Variants in RIC1 observed in about 807,000 individuals in gnomAD.
RIC1 encodes guanine nucleotide exchange factor subunit RIC1.
Under a neutral mutation model 169.0 loss-of-function variants are expected in RIC1, and 88 were observed. That is an observed-to-expected ratio of 0.52 (90% CI 0.44 to 0.62). RIC1 has a LOEUF of 0.62. RIC1 is among the 20% of genes least tolerant of loss of function. The pLI is 0.00. For missense variants in RIC1, 1,877 were observed against 1,725.5 expected, an observed-to-expected ratio of 1.09 and a Z score of -1.56; for synonymous variants, 790 against 601.5, an observed-to-expected ratio of 1.31 and a Z score of -4.59.
Position 5,765,400 on chromosome 9 carries a change from G to A in RIC1, c.2842-14G>A, listed in dbSNP as rs759094295. The A allele has an allele frequency of 4.4e-6, 7 of 1,607,458 alleles. No individual in the cohort carries two copies. The highest frequency in any genetic ancestry group is 1.7e-5 in the Admixed American group (1 of 58,532). On this transcript the variant is annotated splice_polypyrimidine_tract_variant and intron_variant, in intron 19 of 25. Coordinates refer to ENST00000414202, the MANE Select transcript of RIC1 (RefSeq NM_020829.4). ...GTAGTATAAAAAGAATGCTGTCCTGGTTGTTTTTTGTAGAATATGGAAGTC... is the reference window on the plus strand; with the variant it reads ...GTAGTATAAAAAGAATGCTGTCCTGATTGTTTTTTGTAGAATATGGAAGTC...
At chr9:5,689,928 T>C in intron 2 of RIC1, 31 bp from the exon 3 acceptor site, 1 of 1,423,804 alleles carries the variant, frequency 7.0e-7, no homozygotes, top group Non-Finnish European at 9.8e-7. Context: ...CCTTACTCTT[T>C]AATTCATGAT....
intron 3 of RIC1, among the ~76,000 whole-genome samples, chr9:5,693,446 G>A (rs1821702605): frequency 6.6e-6 from 1 of 152,062 alleles, no homozygotes; most frequent in Admixed American, 6.5e-5. Context: ...TAACAATGGT[G>A]GCAGTCTTAT....
At chr9:5,727,400 G>C (rs1023026891) in intron 6 of RIC1, among the ~76,000 whole-genome samples, 1 of 152,082 alleles carries the variant, frequency 6.6e-6, no homozygotes, top group Non-Finnish European at 1.5e-5. Context: ...CGTCATTTTA[G>C]GTCCTTGCTA....
rs1820269062 is a variant in RIC1 at position 5,673,757 on chromosome 9, G to GA, written c.253-16201dup. 2.6e-5 allele frequency among the ~76,000 whole-genome samples: 4 copies of GA among 151,726 alleles called. No individual in the cohort carries two copies. The South Asian group carries it at 8.3e-4, about 31-fold the overall frequency. ...AATTGCATGGTAATGTGTAAATTAA[G>GA]ATTCCAATTTTGTGTGAAAATGATA... On this transcript the variant is annotated intron_variant, in intron 2 of 25. Transcript: ENST00000414202.
At chr9:5,752,801 C>T (rs1195743444) in intron 12 of RIC1, among the ~76,000 whole-genome samples, 1 of 152,072 alleles carries the variant, frequency 6.6e-6, no homozygotes, top group Non-Finnish European at 1.5e-5. Flanking sequence ...AAAACCAGAA[C>T]TTTTTCTGAG....
Position 5,720,295 on chromosome 9 carries a change from C to T in RIC1, c.554C>T (p.Pro185Leu). The change falls in exon 5 of 26, where the codon CCC becomes CTC. Residue 185 changes from proline (P) to leucine (L), a missense_variant. Transcript: ENST00000414202. The part of the protein sequence containing the change: ...GRKAINLCTV[P>L]FSVDLQSSRV... Reference sequence around the variant, plus strand: ...AAAGCCATTAATCTTTGCACAGTACCCTTTTCAGTAGACCTGCAGTCATCT... The same window carrying T: ...AAAGCCATTAATCTTTGCACAGTACTCTTTTCAGTAGACCTGCAGTCATCT... 1 of 1,613,392 alleles carries T rather than the reference C, an allele frequency of 6.2e-7. No individual in the cohort carries two copies. Among genetic ancestry groups the T allele is most frequent in the Non-Finnish European group, 8.5e-7 (1 of 1,179,638 alleles).
chr9:5,674,659 A>G (rs1820335068), intron 2 of RIC1, among the ~76,000 whole-genome samples: 3 of 152,210 alleles, frequency 2.0e-5, no homozygotes, highest in South Asian at 4.1e-4. Context: ...TATCTTATGT[A>G]AAGTGCCTGT....
intron 12 of RIC1, among the ~76,000 whole-genome samples, chr9:5,749,932 C>G (rs1054294667): frequency 6.6e-6 from 1 of 151,720 alleles, no homozygotes; most frequent in Middle Eastern, 3.2e-3. Flanking sequence ...GCACCTGCCA[C>G]CATGCCCGGC....
At chr9:5,650,536 T>C (rs979193596) in intron 1 of RIC1, among the ~76,000 whole-genome samples, 15 of 151,970 alleles carry the variant, frequency 9.9e-5, no homozygotes, top group African/African-American at 3.6e-4. Flanking sequence ...TCGGTGTCAG[T>C]AGCCTCACAC....
At chr9:5,773,907 C>A in intron 25 of RIC1, 51 bp from the exon 26 acceptor site, 1 of 1,485,664 alleles carries the variant, frequency 6.7e-7, no homozygotes, top group Non-Finnish European at 9.1e-7. Flanking sequence ...AATGTTCTAC[C>A]AAACCTTTTG....
intron 2 of RIC1, among the ~76,000 whole-genome samples, chr9:5,686,562 G>T (rs902546061): frequency 5.4e-5 from 8 of 147,872 alleles, no homozygotes; most frequent in Admixed American, 4.1e-4. Context: ...TCACTCATAG[G>T]TGGGAATTGA....
chr9:5,629,482 C>T (rs1431915354), intron 1 of RIC1, 29 bp downstream of exon 1: 1 of 1,518,296 alleles, frequency 6.6e-7, no homozygotes, highest in Admixed American at 2.0e-5. Context: ...CGCCTTTCGC[C>T]GCTGCCTCCC....
At chr9:5,727,320 C>T (rs973940385) in intron 6 of RIC1, among the ~76,000 whole-genome samples, 6 of 149,420 alleles carry the variant, frequency 4.0e-5, no homozygotes, top group Admixed American at 6.7e-5. Flanking sequence ...TTCAATCATT[C>T]GATCAAATCG....
chr9:5,761,717 C>G (rs1015123700), intron 17 of RIC1, among the ~76,000 whole-genome samples: 2 of 152,062 alleles, frequency 1.3e-5, no homozygotes, highest in African/African-American at 4.8e-5. Context: ...CAAAATGTTC[C>G]TTCCTCTTTA....
Position 5,629,467 on chromosome 9 carries a change from C to CCCG in RIC1, c.144+20_144+22dup, listed in dbSNP as rs1476738368. On this transcript the variant is annotated intron_variant, in intron 1 of 25. Transcript: ENST00000414202. ...TGGTACAGCCGAGTAAGTAGAGCCG[C>CCCG]CCGCCGCCTTTCGCCGCTGCCTCCC... 1 of 1,526,130 alleles carries CCCG rather than the reference C, an allele frequency of 6.6e-7. No individual in the cohort carries two copies. The highest frequency in any genetic ancestry group is 8.8e-7 in the Non-Finnish European group (1 of 1,142,402). 94.5% of individuals were successfully genotyped at this position (1,526,130 alleles called of 1,614,324 possible).
chr9:5,691,862 T>C (rs1821608225), intron 3 of RIC1, among the ~76,000 whole-genome samples: 1 of 152,062 alleles, frequency 6.6e-6, no homozygotes. Context: ...AATTCTATTT[T>C]CTTTATTTCA....
At chr9:5,728,538 G>A (rs1470573601) in intron 6 of RIC1, among the ~76,000 whole-genome samples, 1 of 152,212 alleles carries the variant, frequency 6.6e-6, no homozygotes, top group Non-Finnish European at 1.5e-5. Context: ...TCCATGGGCT[G>A]CACCCACTGT....
At chr9:5,633,516 C>T (rs570383491) in intron 1 of RIC1, among the ~76,000 whole-genome samples, 1 of 152,094 alleles carries the variant, frequency 6.6e-6, no homozygotes, top group Non-Finnish European at 1.5e-5. Flanking sequence ...ATGAGTCATT[C>T]TTTACCTACC....
chr9:5,642,542 T>A lies in RIC1; in HGVS notation c.144+13089T>A, dbSNP rs1295858974. 1.4e-5 allele frequency among the ~76,000 whole-genome samples: 2 copies of A among 144,642 alleles called. 1 individual carries two copies. Among genetic ancestry groups the A allele is most frequent in the Non-Finnish European group, 3.0e-5 (2 of 67,286 alleles). The allele number at this position is 144,642 out of a possible 152,430, so 94.9% of individuals were successfully genotyped here. ...GCTGTCTGGAAGCCAGGGATTAGAGTCAAAATTCTTAGCAATTTGTTTGAT... is the reference window on the plus strand; with the variant it reads ...GCTGTCTGGAAGCCAGGGATTAGAGACAAAATTCTTAGCAATTTGTTTGAT... On this transcript the variant is annotated intron_variant, in intron 1 of 25. Coordinates refer to ENST00000414202, the MANE Select transcript of RIC1 (RefSeq NM_020829.4).
Sources: gnomAD v4.1 joint callset for allele counts (sites outside exome capture counted in the v4.1 genomes callset) on GRCh38, gnomAD v4.1.1 for gene constraint, MANE v1.5 for transcripts, NCBI Gene and HGNC (gene_info 2026-07-23, HGNC 2026-07-21) for gene names.